Variants in PCDH7 observed in about 807,000 individuals in gnomAD.
The protein encoded by PCDH7 is protocadherin-7.
PCDH7 carries 17 observed loss-of-function variants against 58.9 expected under a neutral mutation model. That is an observed-to-expected ratio of 0.29 (90% CI 0.20 to 0.43). PCDH7 has a LOEUF of 0.43. PCDH7 is among the 20% of genes least tolerant of loss of function. PCDH7 has a pLI of 1.00. For missense variants in PCDH7, 1,274 were observed against 1,441.0 expected (o/e 0.88, Z 1.88); for synonymous variants, 664 against 616.4 (o/e 1.08, Z -1.14).
At chr4:30,990,076 A>G (rs968815567) in intron 3 of PCDH7, among the ~76,000 whole-genome samples, 1 of 152,112 alleles carries the variant, frequency 6.6e-6, no homozygotes, top group African/African-American at 2.4e-5. Flanking sequence ...ACTAATAAAT[A>G]TTGAGTTCTA....
intron 2 of PCDH7, chr4:30,935,349 G>A (rs1203358997): frequency 3.1e-6 from 3 of 982,966 alleles, no homozygotes; most frequent in Non-Finnish European, 3.6e-6. Flanking sequence ...GTAAAGGTAA[G>A]TAGTTTCTTG....
In PCDH7 at chr4:30,754,754, CTT is replaced by C. The variant is rs1278659922; in HGVS notation, c.70+30159_70+30160del. On this transcript the variant is annotated intron_variant, in intron 1 of 3. Transcript: ENST00000509759. ...ATATTTTAAGTCAATCCTTTAGAAA[CTT>C]ATATGTACTTTTTTTTTGACATTAT... 1.8e-4 allele frequency among the ~76,000 whole-genome samples: 6 copies of C among 34,282 alleles called. No homozygotes were observed. The South Asian group carries it at 4.1e-3, about 24-fold the overall frequency. The allele number at this position is 34,282 out of a possible 152,430, so 22.5% of individuals were successfully genotyped here.
At position 30,896,889 on chromosome 4, in the gene PCDH7, CTTTTTTTTTTTT is replaced by C. The variant is rs71190474; in HGVS notation, c.71-23242_71-23231del. 8.2e-3 allele frequency among the ~76,000 whole-genome samples: 225 copies of C among 27,340 alleles called. 1 individual carries two copies. The highest frequency in any genetic ancestry group is 0.03 in the African/African-American group (190 of 6,390). The allele number at this position is 27,340 out of a possible 152,430, so 17.9% of individuals were successfully genotyped here. On this transcript the variant is annotated intron_variant, in intron 1 of 3. Coordinates refer to the PCDH7 transcript ENST00000509759. ...GTCTTGTGCCCCTCCTAGTTCTTTGCTTTTTTTTTTTTTTTTTTTTTTTTTTTTTTTTTGAGG... is the reference window on the plus strand; with the variant it reads ...GTCTTGTGCCCCTCCTAGTTCTTTGCTTTTTTTTTTTTTTTTTTTTTGAGG...
chr4:31,109,616 T>C (rs1319042283), intron 3 of PCDH7, among the ~76,000 whole-genome samples: 1 of 152,248 alleles, frequency 6.6e-6, no homozygotes, highest in African/African-American at 2.4e-5. Flanking sequence ...AGAATGGGAC[T>C]AATATATGCT....
chr4:31,032,017 A>G (rs1754962623), intron 3 of PCDH7, among the ~76,000 whole-genome samples: 1 of 152,240 alleles, frequency 6.6e-6, no homozygotes, highest in Non-Finnish European at 1.5e-5. Context: ...AAGATAAAGT[A>G]TAGAGCTACT....
intron 2 of PCDH7, among the ~76,000 whole-genome samples, chr4:30,933,568 T>G (rs1167070050): frequency 1.3e-5 from 2 of 152,188 alleles, no homozygotes; most frequent in Non-Finnish European, 2.9e-5. Flanking sequence ...ATAAAGGATT[T>G]TTTTCAATAA....
downstream of PCDH7, chr4:31,146,191 T>C (rs540899145): frequency 6.6e-6 from 1 of 151,824 alleles, no homozygotes; most frequent in African/African-American, 2.4e-5. Flanking sequence ...AACACTACCC[T>C]AGGAAGCTGT....
chr4:31,051,658 G>A (rs1481218045), intron 3 of PCDH7, among the ~76,000 whole-genome samples: 1 of 152,068 alleles, frequency 6.6e-6, no homozygotes, highest in Non-Finnish European at 1.5e-5. Context: ...TAAAACAGCA[G>A]TAAATCACAT....
chr4:30,999,044 C>T (rs73214963), intron 3 of PCDH7, among the ~76,000 whole-genome samples: 36,966 of 151,886 alleles, frequency 0.24, 5,586 homozygotes, highest in Middle Eastern at 0.33. Flanking sequence ...GAGGGTGGGA[C>T]GCCATTAGAA....
chr4:30,972,406 G>A (rs1749672101), intron 3 of PCDH7, among the ~76,000 whole-genome samples: 2 of 152,052 alleles, frequency 1.3e-5, no homozygotes, highest in Non-Finnish European at 1.5e-5. Flanking sequence ...CTGTCCTACA[G>A]TTAAGACAAA....
intron 3 of PCDH7, among the ~76,000 whole-genome samples, chr4:30,970,282 G>A (rs548226870): frequency 1.7e-4 from 26 of 151,560 alleles, no homozygotes; most frequent in African/African-American, 5.3e-4. Flanking sequence ...AGTACTTCAT[G>A]TGTTGAATGA....
intron 3 of PCDH7, among the ~76,000 whole-genome samples, chr4:30,978,374 A>T (rs1243183031): frequency 6.6e-6 from 1 of 152,164 alleles, no homozygotes. Context: ...CTGAAATTCC[A>T]CTTTAAGAAT....
chr4:30,857,925 T>C (rs1165246030), intron 1 of PCDH7, among the ~76,000 whole-genome samples: 2 of 152,160 alleles, frequency 1.3e-5, no homozygotes, highest in South Asian at 2.1e-4. Flanking sequence ...AGTAGTAATA[T>C]TGCTTTTGTA....
chr4:30,774,520 A>C (rs764357920), intron 1 of PCDH7, among the ~76,000 whole-genome samples: 1 of 152,208 alleles, frequency 6.6e-6, no homozygotes, highest in Admixed American at 6.5e-5. Flanking sequence ...GCAGATGTTC[A>C]TTGAGTGCCT....
chr4:31,099,121 T>C (rs570858287), intron 3 of PCDH7, among the ~76,000 whole-genome samples: 1 of 152,288 alleles, frequency 6.6e-6, no homozygotes, highest in East Asian at 1.9e-4. Context: ...CAATTCAGCT[T>C]ATAACACAGA....
intron 3 of PCDH7, among the ~76,000 whole-genome samples, chr4:31,002,883 G>T (rs189327618): frequency 1.8e-4 from 27 of 152,190 alleles, no homozygotes; most frequent in South Asian, 2.1e-4. Context: ...ATCATAGCTT[G>T]TGCTCATACC....
chr4:31,045,765 C>T (rs1418321606), intron 3 of PCDH7, among the ~76,000 whole-genome samples: 1 of 144,662 alleles, frequency 6.9e-6, no homozygotes, highest in African/African-American at 2.4e-5. Flanking sequence ...ACAAAGGCTG[C>T]CTTTTGAGGA....
At chr4:30,945,866 A>T (rs1222146077) in intron 2 of PCDH7, among the ~76,000 whole-genome samples, 4 of 152,142 alleles carry the variant, frequency 2.6e-5, no homozygotes, top group Non-Finnish European at 5.9e-5. Context: ...CCATCGGGCC[A>T]CAGTTAGTGC....
At position 30,722,437 on chromosome 4, in the gene PCDH7, G is replaced by A; in HGVS notation, c.1015G>A (p.Val339Ile). ...GCGCGCAGCCGACTTGGACGTGGGGGTCAACGGGCAGATCGAATACGTGTT... is the reference window on the plus strand; with the variant it reads ...GCGCGCAGCCGACTTGGACGTGGGGATCAACGGGCAGATCGAATACGTGTT... Residue 339 changes from valine to isoleucine, a missense_variant, in exon 1 of 2, where the codon GTC becomes ATC. By Grantham distance (29) the Val-to-Ile change is conservative. Around this residue, in one of 3 missense-constraint regions of PCDH7, gnomAD observed 331 missense variants for 303.2 expected, o/e 1.09. Coordinates refer to ENST00000361762, the Ensembl canonical transcript of PCDH7. This position sits in a 1 kb window ranked among gnomAD's most constrained non-coding sequence, Gnocchi z 7.6. The A allele has an allele frequency of 6.2e-7, 1 of 1,612,370 alleles. No homozygotes were observed. The highest frequency in any genetic ancestry group is 1.1e-5 in the South Asian group (1 of 91,048).
Sources: gnomAD v4.1 joint callset for allele counts (sites outside exome capture counted in the v4.1 genomes callset) on GRCh38, gnomAD v4.1.1 for gene constraint, gnomAD v4.1.1 regional missense constraint, Gnocchi (gnomAD v3.1) non-coding constraint, MANE v1.5 for transcripts, NCBI Gene and HGNC (gene_info 2026-07-23, HGNC 2026-07-21) for gene names.